ACAD11: variants seen among roughly 807,000 people sequenced by gnomAD.
ACAD11 encodes the protein acyl-Coenzyme A dehydrogenase family, member 11.
A neutral mutation model predicts 102.2 loss-of-function variants in ACAD11; 83 were observed. The ratio of observed to expected loss-of-function variants is 0.81; its 90% CI spans 0.68 to 0.97. The LOEUF (loss-of-function observed/expected upper bound fraction) is 0.97. Among genes scored for constraint, ACAD11 ranks in the 50% least tolerant of loss-of-function variants. ACAD11 has a pLI of 0.00. For synonymous variants in ACAD11, 324 were observed against 319.8 expected (o/e 1.01, Z -0.14); for missense variants, 901 against 951.7 (o/e 0.95, Z 0.70).
chr3:132,648,431 A>G (rs1277563601), intron 1 of ACAD11: 3 of 152,292 alleles, frequency 2.0e-5, no homozygotes, highest in South Asian at 2.1e-4. Context: ...CCCTTTATTT[A>G]TATCACGGTT....
At chr3:132,629,879 C>T (rs1346106449) in intron 7 of ACAD11, among the ~76,000 whole-genome samples, 1 of 150,056 alleles carries the variant, frequency 6.7e-6, no homozygotes, top group Non-Finnish European at 1.5e-5. Context: ...GTTTAGATTA[C>T]AATGTAATTA....
At chr3:132,602,519 A>C (rs1397025427) in intron 13 of ACAD11, among the ~76,000 whole-genome samples, 1 of 152,190 alleles carries the variant, frequency 6.6e-6, no homozygotes, top group Admixed American at 6.5e-5. Flanking sequence ...TATGTACCAC[A>C]ATAAATTATT....
intron 11 of ACAD11, among the ~76,000 whole-genome samples, chr3:132,617,037 T>G (rs1199282408): frequency 6.6e-6 from 1 of 152,192 alleles, no homozygotes; most frequent in Non-Finnish European, 1.5e-5. Flanking sequence ...TCTGGTAGCC[T>G]GCATTAACTT....
At chr3:132,611,513 C>A (rs573534057) in intron 11 of ACAD11, among the ~76,000 whole-genome samples, 32 of 152,116 alleles carry the variant, frequency 2.1e-4, no homozygotes, top group South Asian at 2.1e-3. Flanking sequence ...GCTGATAAGC[C>A]GCTTCAGCAA....
chr3:132,624,701 G>A (rs538455266), intron 9 of ACAD11, among the ~76,000 whole-genome samples: 10 of 150,192 alleles, frequency 6.7e-5, no homozygotes, highest in Admixed American at 4.0e-4. Flanking sequence ...CTTTTTTGTC[G>A]TTGTTGAGAC....
intron 4 of ACAD11, among the ~76,000 whole-genome samples, chr3:132,640,376 C>G (rs1296725054): frequency 6.6e-6 from 1 of 152,212 alleles, no homozygotes; most frequent in East Asian, 1.9e-4. Flanking sequence ...GCTTCAGCCA[C>G]CGCGCCCAGC....
At chr3:132,581,545 T>C (rs756589855) in intron 13 of ACAD11, among the ~76,000 whole-genome samples, 1 of 151,734 alleles carries the variant, frequency 6.6e-6, no homozygotes, top group African/African-American at 2.4e-5. Context: ...GGAAAGAAAG[T>C]CAATAGAAGT....
chr3:132,612,106 C>G (rs1576589361), intron 11 of ACAD11, among the ~76,000 whole-genome samples: 1 of 151,890 alleles, frequency 6.6e-6, no homozygotes, highest in South Asian at 2.1e-4. Context: ...ATAAACCTGA[C>G]AAAAACAAGA....
intron 11 of ACAD11, among the ~76,000 whole-genome samples, chr3:132,612,356 A>G (rs1349654792): frequency 2.6e-5 from 4 of 152,084 alleles, no homozygotes; most frequent in African/African-American, 9.7e-5. Flanking sequence ...AATGGCAACA[A>G]AAGACAAAAT....
At chr3:132,563,826 T>A (rs1417406919) in intron 17 of ACAD11, among the ~76,000 whole-genome samples, 1 of 152,232 alleles carries the variant, frequency 6.6e-6, no homozygotes, top group Non-Finnish European at 1.5e-5. Context: ...TAAATTGGAA[T>A]AGTGAGGGTG....
chr3:132,585,264 A>G (rs1391664822), intron 13 of ACAD11, among the ~76,000 whole-genome samples: 1 of 152,226 alleles, frequency 6.6e-6, no homozygotes, highest in Non-Finnish European at 1.5e-5. Flanking sequence ...TATTTAATAA[A>G]TGGTGCTGGG....
intron 12 of ACAD11, 90 bp from the exon 13 acceptor site, chr3:132,603,417 CTT>C: frequency 1.7e-6 from 2 of 1,171,014 alleles, no homozygotes; most frequent in Non-Finnish European, 2.5e-6. Flanking sequence ...ACAAAGACAT[CTT>C]TATCTTTTTC....
intron 13 of ACAD11, among the ~76,000 whole-genome samples, chr3:132,598,192 G>A (rs1938400476): frequency 6.6e-6 from 1 of 152,066 alleles, no homozygotes; most frequent in Admixed American, 6.6e-5. Context: ...GAAAGGATAA[G>A]AAAAAGGAAA....
intron 6 of ACAD11, 47 bp downstream of exon 6, chr3:132,631,294 G>T (rs770397154): frequency 1.7e-6 from 2 of 1,184,440 alleles, no homozygotes; most frequent in Non-Finnish European, 2.2e-6. Context: ...AAGTAATAAA[G>T]ACAGTTTTAT....
At chr3:132,655,349 C>T (rs1937731270) in intron 1 of ACAD11, among the ~76,000 whole-genome samples, 1 of 152,048 alleles carries the variant, frequency 6.6e-6, no homozygotes, top group African/African-American at 2.4e-5. Context: ...AGATTACTTC[C>T]CTCCTCTGCT....
chr3:132,571,092 T>C (rs989152430), intron 17 of ACAD11, among the ~76,000 whole-genome samples: 27 of 152,180 alleles, frequency 1.8e-4, no homozygotes, highest in African/African-American at 4.8e-4. Flanking sequence ...TCACACTGTT[T>C]TCCACAATGG....
intron 1 of ACAD11, among the ~76,000 whole-genome samples, chr3:132,653,322 A>G (rs1464250386): frequency 6.6e-6 from 1 of 152,182 alleles, no homozygotes; most frequent in Non-Finnish European, 1.5e-5. Context: ...AAATAGGAGC[A>G]ATCAGATGAG....
chr3:132,576,236 T>C (rs1401278515), intron 16 of ACAD11, among the ~76,000 whole-genome samples: 1 of 152,056 alleles, frequency 6.6e-6, no homozygotes, highest in East Asian at 1.9e-4. Context: ...GTACTAGGAG[T>C]TTAGAATCCA....
In ACAD11 at chr3:132,642,785, T is replaced by C; in HGVS notation, c.267A>G (p.Lys89=). ...CAATTGAAAACAAGGCTTTCTGGAC[T>C]TTAAATTCTCTATCAATCTAAATAG... ...PKAHQIDREF[K]VQKALFSIGF... Residue 89 remains lysine (K), a synonymous_variant, in exon 3 of 20, where the codon AAA becomes AAG. Transcript: ENST00000264990. The C allele has an allele frequency of 6.2e-7, 1 of 1,612,122 alleles. No homozygotes were observed. The highest frequency in any genetic ancestry group is 8.5e-7 in the Non-Finnish European group (1 of 1,179,306).
Sources: allele counts gnomAD v4.1 joint callset (sites outside exome capture counted in the v4.1 genomes callset), GRCh38; gene constraint gnomAD v4.1.1; transcripts MANE v1.5; gene names NCBI Gene and HGNC (gene_info 2026-07-23, HGNC 2026-07-21).